The following ATG16L1 variants were observed in gnomAD, a reference collection of about 807,000 sequenced individuals.
ATG16L1 encodes autophagy related 16 like 1.
ATG16L1 carries 37 observed loss-of-function variants against 88.5 expected under a neutral mutation model. The observed-to-expected ratio is 0.42, with a 90% confidence interval of 0.32 to 0.55. The LOEUF is 0.55. ATG16L1 is among the 20% of genes least tolerant of loss of function. The pLI is 0.13. For synonymous variants in ATG16L1, 301 were observed against 281.0 expected (o/e 1.07, Z -0.71); for missense variants, 554 against 752.8 (o/e 0.74, Z 3.09).
At chr2:233,262,699 C>A (rs1397597016) in intron 2 of ATG16L1, among the ~76,000 whole-genome samples, 2 of 152,172 alleles carry the variant, frequency 1.3e-5, no homozygotes, top group African/African-American at 2.4e-5. Context: ...TCCCTCTGTT[C>A]CCCTTCTTGT....
rs1696373717 is a variant in ATG16L1 at position 233,251,680 on chromosome 2, C to T, written c.-148C>T. 1.5e-6 allele frequency: 1 copy of T among 679,886 alleles called. No individual in the cohort carries two copies. Among genetic ancestry groups the T allele is most frequent in the Non-Finnish European group, 2.5e-6 (1 of 396,166 alleles). The allele number at this position is 679,886 out of a possible 1,614,324, so 42.1% of individuals were successfully genotyped here. A position where few individuals can be genotyped will look rare whatever the true frequency, so the allele number is the denominator to read the frequency against. On this transcript the variant is annotated 5_prime_UTR_variant, in exon 1 of 18. Transcript: ENST00000392017. ...TTTCCGGCATGAGCCGGAAGACCGT[C>T]CCGGATGGCCTCGGGGACTGCCAGT... is the stretch of plus-strand genomic sequence containing the variant.
At chr2:233,260,408 T>G (rs1160864393) in intron 2 of ATG16L1, among the ~76,000 whole-genome samples, 3 of 152,208 alleles carry the variant, frequency 2.0e-5, no homozygotes, top group Non-Finnish European at 2.9e-5. Flanking sequence ...TTTAGCTGAT[T>G]GTAGTGACCT....
intron 2 of ATG16L1, among the ~76,000 whole-genome samples, chr2:233,258,242 C>A (rs1415485591): frequency 6.6e-6 from 1 of 151,970 alleles, no homozygotes; most frequent in Non-Finnish European, 1.5e-5. Context: ...TCTGAAATCT[C>A]CACACATTTA....
intron 6 of ATG16L1, 142 bp downstream of exon 6, chr2:233,270,209 C>G: frequency 1.9e-6 from 1 of 535,544 alleles, no homozygotes; most frequent in Non-Finnish European, 3.1e-6. Context: ...GTGGTGTGAT[C>G]ATAGCTTCTA....
intron 11 of ATG16L1, 59 bp from the exon 12 acceptor site, chr2:233,282,623 G>A: frequency 7.0e-7 from 1 of 1,420,566 alleles, no homozygotes; most frequent in Non-Finnish European, 1.0e-6. Flanking sequence ...TTTATATCGT[G>A]TGAACTGAAT....
intron 5 of ATG16L1, among the ~76,000 whole-genome samples, chr2:233,267,360 G>T (rs1315040047): frequency 6.6e-6 from 1 of 152,074 alleles, no homozygotes; most frequent in African/African-American, 2.4e-5. Context: ...AAAGCAAAAC[G>T]AAAAGAATAC....
intron 4 of ATG16L1, among the ~76,000 whole-genome samples, chr2:233,264,397 C>T (rs1029517039): frequency 1.3e-5 from 2 of 152,150 alleles, no homozygotes; most frequent in Non-Finnish European, 2.9e-5. Flanking sequence ...GATAGCTGAG[C>T]GCATGGCCCT....
intron 9 of ATG16L1, 84 bp downstream of exon 9, chr2:233,274,862 G>A: frequency 1.1e-6 from 1 of 934,418 alleles, no homozygotes; most frequent in East Asian, 2.5e-5. Flanking sequence ...TAGGCCTGCA[G>A]CTAAGCATTC....
intron 12 of ATG16L1, among the ~76,000 whole-genome samples, chr2:233,285,852 G>A (rs776997822): frequency 2.0e-5 from 3 of 152,192 alleles, no homozygotes; most frequent in Non-Finnish European, 4.4e-5. Context: ...ACAAGGGAAT[G>A]GTGTTGGGAG....
chr2:233,280,841 T>C (rs540245577), intron 10 of ATG16L1, among the ~76,000 whole-genome samples: 1 of 152,348 alleles, frequency 6.6e-6, no homozygotes, highest in South Asian at 2.1e-4. Context: ...AGAGAATGAA[T>C]AACTACATTT....
At chr2:233,270,135 ATT>A (rs529290962) in intron 6 of ATG16L1, 68 bp downstream of exon 6, 61 of 1,194,352 alleles carry the variant, frequency 5.1e-5, no homozygotes, top group African/African-American at 9.8e-5. Flanking sequence ...TTTTGTTTTT[ATT>A]TTTTTTTTTG....
At position 233,294,758 on chromosome 2, in the gene ATG16L1, A is replaced by G. The variant is rs543676958; in HGVS notation, c.*408A>G. 1.5e-3 allele frequency: 237 copies of G among 158,918 alleles called. 1 individual carries two copies. Among genetic ancestry groups the G allele is most frequent in the Non-Finnish European group, 2.3e-3 (169 of 72,098 alleles). 9.8% of individuals were successfully genotyped at this position (158,918 alleles called of 1,614,324 possible). Reference sequence around the variant, plus strand: ...TCCTTCCAAAGTCGGTTCTGGCCTAACGCATGTCCCAACACCTTGGGTTCA... The same window carrying G: ...TCCTTCCAAAGTCGGTTCTGGCCTAGCGCATGTCCCAACACCTTGGGTTCA... On this transcript the variant is annotated 3_prime_UTR_variant, in exon 18 of 18. Coordinates refer to ENST00000392017, the MANE Select transcript of ATG16L1 (RefSeq NM_030803.7).
chr2:233,294,415 C>T lies in ATG16L1; in HGVS notation c.*65C>T. 7.4e-7 allele frequency: 1 copy of T among 1,346,770 alleles called. No homozygotes were observed. Among genetic ancestry groups the T allele is most frequent in the Non-Finnish European group, 1.0e-6 (1 of 952,544 alleles). 83.4% of individuals were successfully genotyped at this position (1,346,770 alleles called of 1,614,324 possible). On this transcript the variant is annotated 3_prime_UTR_variant, in exon 18 of 18. Transcript: ENST00000392017. Reference sequence around the variant, plus strand: ...AGAAGAAGCACATGGGCTCCTGCAGCCCTGTCCTGGCAGGTGATGTGCTGG... The same window carrying T: ...AGAAGAAGCACATGGGCTCCTGCAGTCCTGTCCTGGCAGGTGATGTGCTGG...
At chr2:233,257,064 C>G (rs924746826) in intron 2 of ATG16L1, among the ~76,000 whole-genome samples, 1 of 151,036 alleles carries the variant, frequency 6.6e-6, no homozygotes, top group Non-Finnish European at 1.5e-5. Context: ...GGGTCTCGCT[C>G]TGTCGCCCAG....
At position 233,264,531 on chromosome 2, in the gene ATG16L1, C is replaced by G. The variant is rs559934910; in HGVS notation, c.390-361C>G. On this transcript the variant is annotated intron_variant, in intron 4 of 17. Transcript: ENST00000392017. ...GCTGGGGTAGCGTGTGCTTGGGTTT[C>G]CTTAATATGTGGAAAGGGGTCTAGA... Among the ~76,000 whole-genome samples, 5 of 152,220 alleles carry G rather than the reference C, an allele frequency of 3.3e-5. No homozygotes were observed. In the East Asian group the frequency reaches 9.6e-4, roughly 29 times the overall value.
At chr2:233,263,104 T>C (rs540505905) in intron 2 of ATG16L1, 26 bp from the exon 3 acceptor site, 1 of 1,604,282 alleles carries the variant, frequency 6.2e-7, no homozygotes, top group Admixed American at 1.7e-5. Context: ...GCACATTCTC[T>C]TCATCTGCCT....
rs750438915 is a variant in ATG16L1, at chr2:233,251,967, G to A, written c.115+25G>A. ...TGTGAGCGGCGCCGGTGCGGGCTGG[G>A]AGTGGGGCGGGCGGGCCCCGCGGAG... On this transcript the variant is annotated intron_variant, in intron 1 of 17. Transcript: ENST00000392017. The A allele has an allele frequency of 4.6e-6, 7 of 1,508,330 alleles. No individual in the cohort carries two copies. The African/African-American group carries it at 7.2e-5, about 16-fold the overall frequency. The allele number at this position is 1,508,330 out of a possible 1,614,324, so 93.4% of individuals were successfully genotyped here.
chr2:233,260,264 T>C (rs963593501), intron 2 of ATG16L1, among the ~76,000 whole-genome samples: 5 of 152,254 alleles, frequency 3.3e-5, no homozygotes, highest in Non-Finnish European at 5.9e-5. Flanking sequence ...AAATTGTTTA[T>C]TCTAAGCACG....
intron 1 of ATG16L1, among the ~76,000 whole-genome samples, chr2:233,255,622 T>C (rs1696724731): frequency 6.6e-6 from 1 of 152,248 alleles, no homozygotes. Context: ...TCCTTCTGCA[T>C]GGCCCATCAT....
Sources: allele counts gnomAD v4.1 joint callset (sites outside exome capture counted in the v4.1 genomes callset), GRCh38; gene constraint gnomAD v4.1.1; transcripts MANE v1.5; gene names NCBI Gene and HGNC (gene_info 2026-07-23, HGNC 2026-07-21).